The following NME7 variants were observed in gnomAD, a reference collection of about 807,000 sequenced individuals.
NME7 encodes the protein NME/NM23 family member 7.
NME7 carries 41 observed loss-of-function variants against 49.1 expected under a neutral mutation model. That is an observed-to-expected ratio of 0.83 (90% CI 0.65 to 1.08). The LOEUF is 1.08. Ranked by LOEUF, NME7 falls within the 50% of genes least tolerant of loss-of-function variation. The pLI is 0.00. For missense variants in NME7, 423 were observed against 463.4 expected, an observed-to-expected ratio of 0.91 and a Z score of 0.80; for synonymous variants, 139 against 150.6, an observed-to-expected ratio of 0.92 and a Z score of 0.56.
At chr1:169,219,172 A>T (rs1661067766) in intron 10 of NME7, among the ~76,000 whole-genome samples, 1 of 152,146 alleles carries the variant, frequency 6.6e-6, no homozygotes, top group Non-Finnish European at 1.5e-5. Flanking sequence ...ACCCCACTCA[A>T]CACAGACTGG....
intron 7 of NME7, among the ~76,000 whole-genome samples, chr1:169,261,100 A>C (rs1198670263): frequency 1.5e-5 from 2 of 134,228 alleles, no homozygotes; most frequent in Non-Finnish European, 3.5e-5. Flanking sequence ...GAATTATCTA[A>C]ATTTCTTTTA....
chr1:169,311,420 A>G (rs1483188141), intron 3 of NME7, among the ~76,000 whole-genome samples: 1 of 148,716 alleles, frequency 6.7e-6, no homozygotes, highest in African/African-American at 2.5e-5. Flanking sequence ...CCATCTCAAA[A>G]AAAAAAAAAA....
intron 7 of NME7, among the ~76,000 whole-genome samples, chr1:169,248,841 C>T (rs138376626): frequency 6.6e-6 from 1 of 152,082 alleles, no homozygotes; most frequent in East Asian, 1.9e-4. Flanking sequence ...GCTCTATGTG[C>T]CTACTTTTAT....
rs1341822838 is a variant in NME7, at chr1:169,274,295, C to T, written c.754+13008G>A. On this transcript the variant is annotated intron_variant, in intron 7 of 11. Coordinates refer to ENST00000367811, the MANE Select transcript of NME7 (RefSeq NM_013330.5). ...AGAAGTGTCTGTTCATATTCTTTGT[C>T]CACTTTTTGATGGGGTTGTTTGTTT... 3.0e-5 allele frequency among the ~76,000 whole-genome samples: 4 copies of T among 132,562 alleles called. 1 individual carries two copies. Among genetic ancestry groups the T allele is most frequent in the Admixed American group, 1.5e-4 (2 of 13,544 alleles). The allele number at this position is 132,562 out of a possible 152,430, so 87.0% of individuals were successfully genotyped here. A position where few individuals can be genotyped will look rare whatever the true frequency, so the allele number is the denominator to read the frequency against.
At chr1:169,342,418 T>C (rs1470797439) in intron 1 of NME7, among the ~76,000 whole-genome samples, 3 of 150,292 alleles carry the variant, frequency 2.0e-5, no homozygotes, top group Admixed American at 6.7e-5. Flanking sequence ...AATTACCCAG[T>C]CTCACGTAGT....
At position 169,286,953 on chromosome 1, in the gene NME7, C is replaced by CAAAAAAAA. The variant is rs71121752; in HGVS notation, c.754+342_754+349dup. On this transcript the variant is annotated intron_variant, in intron 7 of 11. Transcript: ENST00000367811. ...TGGACAACAGAACTAGACTCTGTCTCAAAAAAAAAAAAAAAAAGTGCTATT... is the reference window on the plus strand; with the variant it reads ...TGGACAACAGAACTAGACTCTGTCTCAAAAAAAAAAAAAAAAAAAAAAAAAGTGCTATT... 0.047 allele frequency: 5,530 copies of CAAAAAAAA among 117,650 alleles called. 654 individuals carry two copies. In the East Asian group the frequency reaches 0.53, roughly 11 times the overall value. The allele number at this position is 117,650 out of a possible 1,614,324, so 7.3% of individuals were successfully genotyped here. A position where few individuals can be genotyped will look rare whatever the true frequency, so the allele number is the denominator to read the frequency against.
At chr1:169,358,975 T>C (rs1653557431) in intron 1 of NME7, among the ~76,000 whole-genome samples, 1 of 152,122 alleles carries the variant, frequency 6.6e-6, no homozygotes, top group African/African-American at 2.4e-5. Flanking sequence ...AATATGTTAG[T>C]ATTGTGTTAA....
chr1:169,257,238 C>T lies in NME7; in HGVS notation c.755-19551G>A, dbSNP rs1324795517. Among the ~76,000 whole-genome samples the T allele has an allele frequency of 2.2e-5, 3 of 134,606 alleles. 1 individual carries two copies. The highest frequency in any genetic ancestry group is 1.8e-5 in the Non-Finnish European group (1 of 57,106). 88.3% of individuals were successfully genotyped at this position (134,606 alleles called of 152,430 possible). A position where few individuals can be genotyped will look rare whatever the true frequency, so the allele number is the denominator to read the frequency against. On this transcript the variant is annotated intron_variant, in intron 7 of 11. Transcript: ENST00000367811. ...GAGACTCCGTGGGCATAGGACCCTC[C>T]AAGCCAGGTGCGGGATATAATCTCG...
At chr1:169,159,351 G>A (rs1171171078) in intron 11 of NME7, among the ~76,000 whole-genome samples, 1 of 152,160 alleles carries the variant, frequency 6.6e-6, no homozygotes, top group Non-Finnish European at 1.5e-5. Context: ...TGCCATACCA[G>A]TCCCACATGC....
At chr1:169,330,080 T>C (rs1049744360) in intron 1 of NME7, among the ~76,000 whole-genome samples, 3 of 152,090 alleles carry the variant, frequency 2.0e-5, no homozygotes, top group Admixed American at 1.3e-4. Context: ...TACCCTATAA[T>C]AGTATATTTA....
chr1:169,315,907 T>C lies in NME7; in HGVS notation c.279-5827A>G, dbSNP rs572312056. Among the ~76,000 whole-genome samples, 9 of 152,156 alleles carry C rather than the reference T, an allele frequency of 5.9e-5. No individual in the cohort carries two copies. The South Asian group carries it at 1.2e-3, about 21-fold the overall frequency. The stretch of plus-strand genomic sequence containing the variant: ...ATATATTAAAAATATTAAAAATTGA[T>C]AGAATATATAATTCTGTAACTACTA... On this transcript the variant is annotated intron_variant, in intron 3 of 11. Coordinates refer to ENST00000367811, the MANE Select transcript of NME7 (RefSeq NM_013330.5).
intron 10 of NME7, among the ~76,000 whole-genome samples, chr1:169,171,573 A>G (rs1392239969): frequency 3.9e-5 from 6 of 152,038 alleles, no homozygotes; most frequent in Non-Finnish European, 4.4e-5. Flanking sequence ...GACCAGCCTG[A>G]TCAACATGGT....
At chr1:169,322,067 T>C (rs1261995908) in intron 3 of NME7, among the ~76,000 whole-genome samples, 2 of 152,188 alleles carry the variant, frequency 1.3e-5, no homozygotes, top group Non-Finnish European at 1.5e-5. Flanking sequence ...AATTCATAAA[T>C]GTAGAGACTG....
chr1:169,272,022 A>G, intron 7 of NME7, among the ~76,000 whole-genome samples: 1 of 132,130 alleles, frequency 7.6e-6, no homozygotes, highest in East Asian at 2.0e-4. Context: ...TTAGAAATAA[A>G]AGGAAAAAAA....
intron 1 of NME7, among the ~76,000 whole-genome samples, chr1:169,330,143 A>T (rs1652200598): frequency 6.6e-6 from 1 of 152,234 alleles, no homozygotes; most frequent in Non-Finnish European, 1.5e-5. Flanking sequence ...CCAGACAAAC[A>T]GAAGCTGAGA....
intron 7 of NME7, among the ~76,000 whole-genome samples, chr1:169,279,837 C>A (rs74732281): frequency 6.6e-6 from 1 of 151,974 alleles, no homozygotes; most frequent in African/African-American, 2.4e-5. Flanking sequence ...TTGGCTCCTC[C>A]CCACATTTTC....
intron 10 of NME7, among the ~76,000 whole-genome samples, chr1:169,205,638 A>G (rs1287951719): frequency 3.3e-5 from 5 of 152,116 alleles, no homozygotes; most frequent in Non-Finnish European, 7.4e-5. Flanking sequence ...ACTGCAAAGC[A>G]CCACATGTCA....
intron 10 of NME7, among the ~76,000 whole-genome samples, chr1:169,204,658 A>C (rs1660628416): frequency 6.6e-6 from 1 of 152,094 alleles, no homozygotes; most frequent in South Asian, 2.1e-4. Flanking sequence ...CTTTCCTTGA[A>C]AATCTTATTC....
At chr1:169,268,381 C>T (rs58050899) in intron 7 of NME7, among the ~76,000 whole-genome samples, 2,450 of 133,436 alleles carry the variant, frequency 0.018, 353 homozygotes, top group African/African-American at 0.055. Flanking sequence ...GACAGTGTGG[C>T]GATTCCTCAA....
Sources: allele counts gnomAD v4.1 joint callset (sites outside exome capture counted in the v4.1 genomes callset), GRCh38; gene constraint gnomAD v4.1.1; transcripts MANE v1.5; gene names NCBI Gene and HGNC (gene_info 2026-07-23, HGNC 2026-07-21).